Variants in CA7 observed in about 807,000 individuals in gnomAD.
CA7 encodes the protein carbonate dehydratase VII.
CA7 carries 13 observed loss-of-function variants against 31.4 expected under a neutral mutation model. The observed-to-expected ratio is 0.41, with a 90% confidence interval of 0.27 to 0.66. CA7 has a LOEUF of 0.66. Among genes scored for constraint, CA7 ranks in the 30% least tolerant of loss-of-function variants. The pLI is 0.28. For synonymous variants in CA7, 128 were observed against 133.2 expected (o/e 0.96, Z 0.27); for missense variants, 215 against 351.0 (o/e 0.61, Z 3.10).
intron 6 of CA7, 42 bp downstream of exon 6, chr16:66,852,909 A>G: frequency 1.3e-6 from 2 of 1,588,020 alleles, no homozygotes; most frequent in African/African-American, 2.7e-5. Flanking sequence ...CATGGCACTC[A>G]GGGCTCACCC....
At chr16:66,848,588 G>T (rs1344201618) in intron 2 of CA7, among the ~76,000 whole-genome samples, 1 of 152,012 alleles carries the variant, frequency 6.6e-6, no homozygotes, top group African/African-American at 2.4e-5. Flanking sequence ...CAGGAAGCCA[G>T]TGAAAAGAGG....
rs1961113306 is a variant in CA7 at position 66,853,594 on chromosome 16, G to A, written c.*96G>A. 6.6e-7 allele frequency: 1 copy of A among 1,523,704 alleles called. No homozygotes were observed. Among genetic ancestry groups the A allele is most frequent in the Non-Finnish European group, 8.9e-7 (1 of 1,126,394 alleles). 94.4% of individuals were successfully genotyped at this position (1,523,704 alleles called of 1,614,324 possible). ...CCATCTGAGGCTTCCTCCCTGGGGG[G>A]TGCTGGGGACCCTCCTTCAGCCAGT... is the stretch of plus-strand genomic sequence containing the variant. On this transcript the variant is annotated 3_prime_UTR_variant, in exon 7 of 7. Transcript: ENST00000338437. The surrounding 1 kb of genome is among the most constrained non-coding windows in gnomAD (Gnocchi z 4.5).
At chr16:66,851,288 C>A (rs1255693643) in intron 3 of CA7, among the ~76,000 whole-genome samples, 175 bp from the exon 4 acceptor site, 1 of 152,162 alleles carries the variant, frequency 6.6e-6, no homozygotes, top group East Asian at 1.9e-4. Context: ...TGGGTGGATG[C>A]TACCTGTGAC....
chr16:66,844,921 GGGA>G (rs1960893148), intron 1 of CA7: 12 of 1,025,876 alleles, frequency 1.2e-5, no homozygotes, highest in Middle Eastern at 4.7e-4. Flanking sequence ...GGTGTCTGCG[GGGA>G]GCGCGCACGG....
Position 66,853,273 on chromosome 16 carries a change from AG to A in CA7, c.673-99del, listed in dbSNP as rs376540986. 5.8e-4 allele frequency: 821 copies of A among 1,407,622 alleles called. 12 individuals carry two copies. The East Asian group carries it at 0.012, about 20-fold the overall frequency. The allele number at this position is 1,407,622 out of a possible 1,614,324, so 87.2% of individuals were successfully genotyped here. On this transcript the variant is annotated intron_variant, in intron 6 of 6. Transcript: ENST00000338437. The surrounding 1 kb of genome is among the most constrained non-coding windows in gnomAD (Gnocchi z 4.5). ...ACAGACCCTAAGGGAAGGAGGAGGG[AG>A]GGGTAGAGCTGGCTGGGCAGGTATG...
chr16:66,849,695 C>T (rs374826098), intron 2 of CA7, among the ~76,000 whole-genome samples: 3 of 152,080 alleles, frequency 2.0e-5, no homozygotes, highest in Admixed American at 6.5e-5. Context: ...CGGGCAGGAG[C>T]GGGGAGGACA....
At chr16:66,849,974 G>A (rs1318443169) in intron 2 of CA7, among the ~76,000 whole-genome samples, 1 of 151,830 alleles carries the variant, frequency 6.6e-6, no homozygotes, top group African/African-American at 2.4e-5. Context: ...CAAAAAATTA[G>A]CCGGATGTGG....
At chr16:66,848,042 C>A (rs571598830) in intron 2 of CA7, among the ~76,000 whole-genome samples, 31 of 152,238 alleles carry the variant, frequency 2.0e-4, no homozygotes, top group African/African-American at 7.5e-4. Context: ...ATAACTGGTT[C>A]CTTCCTCCTC....
At chr16:66,852,065 A>G (rs913352006) in intron 5 of CA7, among the ~76,000 whole-genome samples, 2 of 152,164 alleles carry the variant, frequency 1.3e-5, no homozygotes, top group African/African-American at 4.8e-5. Context: ...AAGCAAACGG[A>G]TGAGAGGGCC....
Position 66,847,228 on chromosome 16 carries a change from G to A in CA7, c.238+1G>A, listed in dbSNP as rs1440618013. The A allele has an allele frequency of 6.2e-7, 1 of 1,613,958 alleles. No individual in the cohort carries two copies. Among genetic ancestry groups the A allele is most frequent in the Non-Finnish European group, 8.5e-7 (1 of 1,179,952 alleles). On this transcript the variant is annotated splice_donor_variant, in intron 2 of 6. Coordinates refer to ENST00000338437, the MANE Select transcript of CA7 (RefSeq NM_005182.3). LOFTEE classifies it high-confidence loss of function. ...TTCAATGACAGCGATGACCGAACCG[G>A]TAAGTGGCCCCTGCCAAAGCCTGGC...
intron 6 of CA7, 88 bp downstream of exon 6, chr16:66,852,955 C>G (rs1031092678): frequency 8.3e-7 from 1 of 1,202,176 alleles, no homozygotes; most frequent in Non-Finnish European, 1.2e-6. Flanking sequence ...ACCCCACAGC[C>G]CGTGATCCCA....
At chr16:66,849,297 C>T (rs1192103492) in intron 2 of CA7, among the ~76,000 whole-genome samples, 1 of 152,176 alleles carries the variant, frequency 6.6e-6, no homozygotes, top group Non-Finnish European at 1.5e-5. Context: ...ACTGGAGGCA[C>T]CTGGGCCTGT....
chr16:66,851,021 C>G (rs922788406), intron 3 of CA7, among the ~76,000 whole-genome samples: 1 of 152,164 alleles, frequency 6.6e-6, no homozygotes, highest in Non-Finnish European at 1.5e-5. Context: ...TGTGACGAAT[C>G]CCCTGTCCAC....
At chr16:66,851,367 A>G (rs1961044401) in intron 3 of CA7, 96 bp from the exon 4 acceptor site, 9 of 1,023,332 alleles carry the variant, frequency 8.8e-6, no homozygotes, top group Non-Finnish European at 1.4e-5. Flanking sequence ...CCTTCCTGCA[A>G]AGAGGCCAGG....
intron 1 of CA7, 142 bp downstream of exon 1, chr16:66,844,669 C>T: frequency 1.4e-6 from 1 of 702,518 alleles, no homozygotes; most frequent in Non-Finnish European, 2.2e-6. Flanking sequence ...CCATCCCGGC[C>T]CCCGAACTTG....
chr16:66,851,435 G>A (rs770563826), intron 3 of CA7, 28 bp from the exon 4 acceptor site: 27 of 1,593,078 alleles, frequency 1.7e-5, no homozygotes, highest in African/African-American at 5.4e-5. Context: ...TGGGAGGCAC[G>A]AAGCATTGGC....
rs2145377208 is a variant in CA7 at position 66,846,432 on chromosome 16, G to A, written c.41-598G>A. Among the ~76,000 whole-genome samples, 2 of 152,324 alleles carry A rather than the reference G, an allele frequency of 1.3e-5. 1 individual carries two copies. The highest frequency in any genetic ancestry group is 2.9e-5 in the Non-Finnish European group (2 of 68,034). On this transcript the variant is annotated intron_variant, in intron 1 of 6. Transcript: ENST00000338437. Reference sequence around the variant, plus strand: ...ATGGACTTGCAGGCACACACATTGGGAGGGCAGCTGGGGGCAGTGCATGCA... The same window carrying A: ...ATGGACTTGCAGGCACACACATTGGAAGGGCAGCTGGGGGCAGTGCATGCA...
intron 2 of CA7, 116 bp downstream of exon 2, chr16:66,847,343 C>A: frequency 1.1e-6 from 1 of 870,422 alleles, no homozygotes; most frequent in Non-Finnish European, 1.8e-6. Flanking sequence ...CCTCCTCTCA[C>A]CAGCTGTGAA....
chr16:66,850,049 G>A (rs921142478), intron 2 of CA7, among the ~76,000 whole-genome samples: 2 of 151,412 alleles, frequency 1.3e-5, no homozygotes, highest in Admixed American at 1.3e-4. Flanking sequence ...GAACCTGGGA[G>A]GTAGAGGTTG....
Sources: gnomAD v4.1 joint callset for allele counts (sites outside exome capture counted in the v4.1 genomes callset) on GRCh38, gnomAD v4.1.1 for gene constraint, Gnocchi (gnomAD v3.1) non-coding constraint, MANE v1.5 for transcripts, NCBI Gene and HGNC (gene_info 2026-07-23, HGNC 2026-07-21) for gene names.